FANK1: variants seen among roughly 807,000 people sequenced by gnomAD.
FANK1 encodes fibronectin type 3 and ankyrin repeat domains protein 1.
A neutral mutation model predicts 45.3 loss-of-function variants in FANK1; 44 were observed. The ratio of observed to expected loss-of-function variants is 0.97; its 90% confidence interval spans 0.76 to 1.25. The LOEUF (loss-of-function observed/expected upper bound fraction) is 1.25, where lower values mean the gene tolerates loss of function less well. Ranked by LOEUF, FANK1 falls within the 50% of genes most tolerant of loss-of-function variation. The pLI, the probability that FANK1 is intolerant of heterozygous loss-of-function variation, is 0.00. For synonymous variants in FANK1, 149 were observed against 152.5 expected, an observed-to-expected ratio of 0.98 and a Z score of 0.17; for missense variants, 391 against 424.4, an observed-to-expected ratio of 0.92 and a Z score of 0.69.
At chr10:125,920,120 C>T (rs972917871) in intron 1 of FANK1, among the ~76,000 whole-genome samples, 14 of 152,208 alleles carry the variant, frequency 9.2e-5, no homozygotes, top group African/African-American at 2.9e-4. Flanking sequence ...TGTTATTTTA[C>T]TCATAAGCTT....
At chr10:126,004,771 T>C in intron 6 of FANK1, 113 bp from the exon 7 acceptor site, 3 of 1,052,720 alleles carry the variant, frequency 2.8e-6, no homozygotes, top group Non-Finnish European at 4.3e-6. Flanking sequence ...ACAGTTCCCA[T>C]GGCTTTTCCA....
intron 6 of FANK1, among the ~76,000 whole-genome samples, chr10:126,002,095 G>A (rs1008256616): frequency 6.6e-6 from 1 of 151,740 alleles, no homozygotes; most frequent in Non-Finnish European, 1.5e-5. Flanking sequence ...GGCGGATCAC[G>A]AGGTCAGGAG....
chr10:125,897,136 C>A (rs1310093021), intron 1 of FANK1, among the ~76,000 whole-genome samples: 1 of 149,540 alleles, frequency 6.7e-6, no homozygotes, highest in Admixed American at 6.6e-5. Flanking sequence ...CCCCACACCC[C>A]TAGTCTGCGA....
intron 1 of FANK1, among the ~76,000 whole-genome samples, chr10:125,970,337 C>T (rs1427165352): frequency 6.6e-6 from 1 of 151,990 alleles, no homozygotes; most frequent in Non-Finnish European, 1.5e-5. Context: ...GCGCTCCTCA[C>T]CTCCCAGATG....
intron 1 of FANK1, among the ~76,000 whole-genome samples, 162 bp downstream of exon 1, chr10:125,896,817 G>T (rs1944565332): frequency 6.6e-6 from 1 of 152,294 alleles, no homozygotes; most frequent in African/African-American, 2.4e-5. Context: ...GGAGAGGGGA[G>T]AAGGGGGCTA....
intron 1 of FANK1, among the ~76,000 whole-genome samples, chr10:125,903,467 A>C (rs1463785347): frequency 1.3e-5 from 2 of 152,268 alleles, no homozygotes; most frequent in African/African-American, 4.8e-5. Flanking sequence ...TGGTTGTTAG[A>C]AACTCTTCCA....
chr10:125,957,772 G>A (rs574704528), intron 1 of FANK1, among the ~76,000 whole-genome samples: 4 of 152,168 alleles, frequency 2.6e-5, no homozygotes, highest in East Asian at 3.9e-4. Context: ...TAATCCCTTC[G>A]CCTTGGCCTC....
intron 1 of FANK1, among the ~76,000 whole-genome samples, chr10:125,946,282 A>G (rs1333989116): frequency 1.3e-5 from 2 of 151,028 alleles, no homozygotes; most frequent in African/African-American, 4.8e-5. Context: ...AGCTGAGAGA[A>G]GAAGGCTTCA....
At chr10:125,947,077 A>G (rs1415820553) in intron 1 of FANK1, among the ~76,000 whole-genome samples, 1 of 146,622 alleles carries the variant, frequency 6.8e-6, no homozygotes, top group Admixed American at 6.8e-5. Context: ...AGATTTTGTC[A>G]CCACCAGGCC....
At chr10:125,975,161 G>A (rs571837934) in intron 1 of FANK1, among the ~76,000 whole-genome samples, 4 of 152,216 alleles carry the variant, frequency 2.6e-5, no homozygotes, top group East Asian at 1.9e-4. Flanking sequence ...CCATGTTCCC[G>A]CACAAGACCT....
intron 1 of FANK1, among the ~76,000 whole-genome samples, chr10:125,958,449 C>A (rs1186829875): frequency 1.3e-5 from 2 of 152,150 alleles, no homozygotes; most frequent in African/African-American, 4.8e-5. Context: ...GTTGGCCAGG[C>A]TAGGTCTCGA....
chr10:126,006,579 GC>G (rs1480945094), intron 7 of FANK1, among the ~76,000 whole-genome samples: 1 of 152,232 alleles, frequency 6.6e-6, no homozygotes, highest in Non-Finnish European at 1.5e-5. Flanking sequence ...AAGCATCGGG[GC>G]CGGGCACAGT....
Position 126,009,554 on chromosome 10 carries a change from AT to A in FANK1, c.*118del. 1 of 1,085,274 alleles carries A rather than the reference AT, an allele frequency of 9.2e-7. No individual in the cohort carries two copies. Among genetic ancestry groups the A allele is most frequent in the African/African-American group, 1.6e-5 (1 of 62,970 alleles). 67.2% of individuals were successfully genotyped at this position (1,085,274 alleles called of 1,614,324 possible). On this transcript the variant is annotated 3_prime_UTR_variant, in exon 11 of 11. Transcript: ENST00000368693. ...TGTACATTTATTTATTTAGTTGAAG[AT>A]TCACTGATCCCACTTTGAAATACAT...
intron 1 of FANK1, among the ~76,000 whole-genome samples, chr10:125,912,218 TC>T (rs1261667244): frequency 1.3e-5 from 2 of 152,196 alleles, no homozygotes; most frequent in Non-Finnish European, 2.9e-5. Context: ...AGGCAGCCAC[TC>T]CTCATCGATT....
chr10:125,956,202 T>TGGGG (rs71486556), intron 1 of FANK1, among the ~76,000 whole-genome samples: 20 of 72,418 alleles, frequency 2.8e-4, no homozygotes, highest in East Asian at 9.3e-4. Flanking sequence ...ATACATTTTT[T>TGGGG]GGGGGGGGGG....
At chr10:125,975,089 A>C (rs1309059797) in intron 1 of FANK1, 1 of 152,230 alleles carries the variant, frequency 6.6e-6, no homozygotes, top group African/African-American at 2.4e-5. Context: ...AAAAGAGAAC[A>C]TGCGGTATTT....
Position 126,009,420 on chromosome 10 carries a change from G to T in FANK1, c.1020G>T (p.Lys340Asn). 6 of 1,614,150 alleles carry T rather than the reference G, an allele frequency of 3.7e-6. No homozygotes were observed. The highest frequency in any genetic ancestry group is 5.1e-6 in the Non-Finnish European group (6 of 1,180,032). Residue 340 changes from lysine to asparagine, a missense_variant, in exon 11 of 11, where the codon AAG becomes AAT. Coordinates refer to ENST00000368693, the MANE Select transcript of FANK1 (RefSeq NM_145235.5). ...AAAGGAAAAAAAAGCAGAGGCCAAA[G>T]AAGTCTTGTGTCTGCTGATGAGAGC... ...LEERKKKQRP[K>N]KSCVC
intron 1 of FANK1, among the ~76,000 whole-genome samples, chr10:125,907,993 C>G (rs75850143): frequency 7.5e-6 from 1 of 134,012 alleles, no homozygotes; most frequent in South Asian, 2.5e-4. Flanking sequence ...TGTTTTTTCT[C>G]CCTTTTTTTT....
chr10:125,902,092 G>A (rs61871956), intron 1 of FANK1, among the ~76,000 whole-genome samples: 1 of 152,058 alleles, frequency 6.6e-6, no homozygotes, highest in South Asian at 2.1e-4. Flanking sequence ...GTACTCCATC[G>A]TGGGAGACAA....
Sources: gnomAD v4.1 joint callset for allele counts (sites outside exome capture counted in the v4.1 genomes callset) on GRCh38, gnomAD v4.1.1 for gene constraint, MANE v1.5 for transcripts, NCBI Gene and HGNC (gene_info 2026-07-23, HGNC 2026-07-21) for gene names.